The following SLC22A2 variants were observed in gnomAD, a reference collection of about 807,000 sequenced individuals.
SLC22A2 encodes the protein solute carrier family 22 member 2, also known as organic cation transporter 2.
A neutral mutation model predicts 60.5 loss-of-function variants in SLC22A2; 46 were observed. The observed-to-expected ratio is 0.76, with a 90% CI of 0.60 to 0.97. The LOEUF (loss-of-function observed/expected upper bound fraction) is 0.97, where lower values mean the gene tolerates loss of function less well. Among genes scored for constraint, SLC22A2 ranks in the 50% least tolerant of loss-of-function variants. The pLI, the probability that SLC22A2 is intolerant of heterozygous loss-of-function variation, is 0.00. For missense variants in SLC22A2, 701 were observed against 706.6 expected (o/e 0.99, Z 0.09); for synonymous variants, 303 against 267.0 (o/e 1.13, Z -1.31).
chr6:160,228,206 A>C (rs895181206), intron 9 of SLC22A2, among the ~76,000 whole-genome samples: 2 of 152,150 alleles, frequency 1.3e-5, no homozygotes, highest in Non-Finnish European at 2.9e-5. Flanking sequence ...CACCTTTCCA[A>C]TAACATCTTT....
intron 9 of SLC22A2, among the ~76,000 whole-genome samples, chr6:160,230,772 C>T (rs1029278800): frequency 2.0e-5 from 3 of 151,798 alleles, no homozygotes; most frequent in African/African-American, 7.3e-5. Context: ...GCTACAAGTG[C>T]CAGCAATCTG....
intron 9 of SLC22A2, among the ~76,000 whole-genome samples, chr6:160,229,451 C>T (rs112079851): frequency 0.022 from 3,271 of 151,954 alleles, 204 homozygotes; most frequent in African/African-American, 0.076. Context: ...CTGATCACCA[C>T]GGGGATGCTT....
intron 10 of SLC22A2, among the ~76,000 whole-genome samples, chr6:160,224,226 A>G (rs372506591): frequency 2.0e-5 from 3 of 151,804 alleles, no homozygotes; most frequent in Non-Finnish European, 2.9e-5. Flanking sequence ...GAAGTTGAGC[A>G]TATTTTCATA....
At chr6:160,221,989 C>T (rs376443427) in intron 10 of SLC22A2, among the ~76,000 whole-genome samples, 3 of 152,024 alleles carry the variant, frequency 2.0e-5, no homozygotes, top group Admixed American at 6.5e-5. Context: ...TTGCTGTATA[C>T]CTTCAATCTG....
chr6:160,241,693 G>T, intron 8 of SLC22A2, 107 bp from the exon 9 acceptor site: 1 of 735,290 alleles, frequency 1.4e-6, no homozygotes, highest in Non-Finnish European at 2.3e-6. Flanking sequence ...ATGTTCAAGA[G>T]CTATAGTGTA....
intron 7 of SLC22A2, 143 bp downstream of exon 7, chr6:160,243,429 A>G: frequency 1.5e-6 from 1 of 670,280 alleles, no homozygotes; most frequent in South Asian, 1.8e-5. Context: ...GAATTTGCTC[A>G]GAAGGGTCCC....
At chr6:160,249,124 G>A (rs1030733742) in intron 4 of SLC22A2, 92 bp downstream of exon 4, 3 of 859,966 alleles carry the variant, frequency 3.5e-6, no homozygotes, top group East Asian at 5.6e-5. Flanking sequence ...AGCAATCTCA[G>A]AATCAGAAAG....
chr6:160,218,058 C>T (rs1275084185), intron 10 of SLC22A2: 2 of 168,498 alleles, frequency 1.2e-5, no homozygotes, highest in Admixed American at 5.7e-5. Flanking sequence ...TGGACCTGTT[C>T]CTGTTTATAG....
chr6:160,257,126 A>G (rs1160578221), intron 1 of SLC22A2, among the ~76,000 whole-genome samples: 1 of 152,250 alleles, frequency 6.6e-6, no homozygotes, highest in Non-Finnish European at 1.5e-5. Context: ...TCATGAAGCT[A>G]AAACTACAGC....
In SLC22A2 at chr6:160,250,584, C is replaced by G. The variant is rs776808060; in HGVS notation, c.637G>C (p.Val213Leu). ...CCTATTAACCAGCCTGCTTTGCTGA[C>G]CAGTCCTTGGATTAAGCGAAAAATT... is the stretch of plus-strand genomic sequence containing the variant. ...MLIFRLIQGL[V>L]SKAGWLIGYI... The change falls in exon 3 of 11, where the codon GTC becomes CTC. Residue 213 changes from valine (V) to leucine (L), a missense_variant. Transcript: ENST00000366953. The G allele has an allele frequency of 1.1e-5, 17 of 1,613,942 alleles. No individual in the cohort carries two copies. Among genetic ancestry groups the G allele is most frequent in the Admixed American group, 3.3e-5 (2 of 60,000 alleles).
chr6:160,231,802 A>C lies in SLC22A2; in HGVS notation c.1502-6998T>G, dbSNP rs546304257. On this transcript the variant is annotated intron_variant, in intron 9 of 10. Transcript: ENST00000366953. ...CCCACTCCCCTTTCCATTCCTTAAAAAACAGCCCTAAAAGCTGCTCCTATG... is the reference window on the plus strand; with the variant it reads ...CCCACTCCCCTTTCCATTCCTTAAACAACAGCCCTAAAAGCTGCTCCTATG... 6.2e-4 allele frequency among the ~76,000 whole-genome samples: 94 copies of C among 151,974 alleles called. 1 individual carries two copies. The highest frequency in any genetic ancestry group is 2.3e-3 in the African/African-American group (93 of 41,274).
rs8177505 is a variant in SLC22A2, at chr6:160,258,624, A to AT, written c.133_134insA (p.Phe45TyrfsTer4). The AT allele has an allele frequency of 8.8e-4, 1,416 of 1,613,958 alleles. 1 individual carries two copies. Among genetic ancestry groups the AT allele is most frequent in the Non-Finnish European group, 1.2e-3 (1,371 of 1,179,948 alleles). ...GCTCCGGCAGCGGTGGTCAGGGGTG[A>AT]AGCCCAGGAAGACGATGCCCACGTA... is the stretch of plus-strand genomic sequence containing the variant. On this transcript the variant is annotated frameshift_variant, in exon 1 of 11. Coordinates refer to ENST00000366953, the MANE Select transcript of SLC22A2 (RefSeq NM_003058.4). LOFTEE classifies it high-confidence loss of function.
In SLC22A2 at chr6:160,242,349, T is replaced by C. The variant is rs1450284484; in HGVS notation, c.1333A>G (p.Met445Val). The C allele has an allele frequency of 1.9e-6, 3 of 1,611,114 alleles. No homozygotes were observed. The highest frequency in any genetic ancestry group is 1.7e-5 in the Admixed American group (1 of 60,014). The change falls in exon 8 of 11, where the codon ATG becomes GTG. Residue 445 changes from methionine (M) to valine (V), a missense_variant. Physicochemically the swap from Met to Val is conservative, Grantham distance 21 (BLOSUM62 1). Coordinates refer to ENST00000366953, the MANE Select transcript of SLC22A2 (RefSeq NM_003058.4). The stretch of plus-strand genomic sequence containing the variant: ...ACCAGGCAGACTATCTCATAGGCCA[T>C]TGTGATCCCCATTCTTCCCAAGCAT... ...ISCLGRMGIT[M>V]AYEIVCLVNA...
chr6:160,242,996 TTAGTC>T (rs750925699), intron 7 of SLC22A2, among the ~76,000 whole-genome samples: 5 of 152,120 alleles, frequency 3.3e-5, no homozygotes, highest in Non-Finnish European at 7.4e-5. Flanking sequence ...TGGGCCAACT[TTAGTC>T]TATAGAAGTC....
chr6:160,235,218 A>G (rs976876003), intron 9 of SLC22A2, among the ~76,000 whole-genome samples: 3 of 152,030 alleles, frequency 2.0e-5, no homozygotes, highest in African/African-American at 2.4e-5. Context: ...GATGTTTTTG[A>G]CTTGGAGGGT....
At chr6:160,224,580 A>G in intron 10 of SLC22A2, 125 bp downstream of exon 10, 1 of 485,246 alleles carries the variant, frequency 2.1e-6, no homozygotes, top group East Asian at 3.1e-5. Context: ...CAAGTCTTTG[A>G]TTTAGTTTGA....
At chr6:160,245,297 A>C in intron 6 of SLC22A2, 142 bp downstream of exon 6, 1 of 514,448 alleles carries the variant, frequency 1.9e-6, no homozygotes, top group Non-Finnish European at 3.4e-6. Context: ...CACGATCAGG[A>C]AAACCTACCA....
chr6:160,217,621 T>C, intron 10 of SLC22A2, 123 bp from the exon 11 acceptor site: 1 of 627,592 alleles, frequency 1.6e-6, no homozygotes, highest in South Asian at 2.0e-5. Context: ...AGGATTAGTC[T>C]TGCAATGTGT....
chr6:160,254,735 G>A (rs1408749604), intron 2 of SLC22A2, among the ~76,000 whole-genome samples: 6 of 151,550 alleles, frequency 4.0e-5, no homozygotes, highest in African/African-American at 1.4e-4. Flanking sequence ...CAGCCTTTGG[G>A]GGAAGAATAA....
Sources: allele counts gnomAD v4.1 joint callset (sites outside exome capture counted in the v4.1 genomes callset), GRCh38; gene constraint gnomAD v4.1.1; transcripts MANE v1.5; gene names NCBI Gene and HGNC (gene_info 2026-07-23, HGNC 2026-07-21).